The following EIF2AK1 variants were observed in gnomAD, a reference collection of about 807,000 sequenced individuals.
EIF2AK1 encodes the protein eukaryotic translation initiation factor 2 alpha kinase 1, also known as eukaryotic translation initiation factor 2-alpha kinase 1.
EIF2AK1 carries 54 observed loss-of-function variants against 77.9 expected under a neutral mutation model. That is an observed-to-expected ratio of 0.69 (90% CI 0.56 to 0.87). The LOEUF (loss-of-function observed/expected upper bound fraction) is 0.87. Ranked by LOEUF, EIF2AK1 falls within the 40% of genes least tolerant of loss-of-function variation. The pLI, the probability that EIF2AK1 is intolerant of heterozygous loss-of-function variation, is 0.00. For missense variants in EIF2AK1, 810 were observed against 768.6 expected (o/e 1.05, Z -0.64); for synonymous variants, 314 against 290.5 (o/e 1.08, Z -0.82).
chr7:6,053,525 C>G (rs1788665294), intron 2 of EIF2AK1, among the ~76,000 whole-genome samples: 1 of 151,936 alleles, frequency 6.6e-6, no homozygotes, highest in Non-Finnish European at 1.5e-5. Flanking sequence ...CCACCATGCC[C>G]AGCTAATTTT....
At position 6,024,815 on chromosome 7, in the gene EIF2AK1, AT is replaced by A; in HGVS notation, c.1765-15del. ...GGTGAGGTTAACCTGTAAGGAGAAA[AT>A]ATTTTAAACTCCATTAAAATAACTT... On this transcript the variant is annotated splice_polypyrimidine_tract_variant and intron_variant, in intron 14 of 14. Coordinates refer to ENST00000199389, the MANE Select transcript of EIF2AK1 (RefSeq NM_014413.4). The A allele has an allele frequency of 6.7e-7, 1 of 1,483,012 alleles. No homozygotes were observed. Among genetic ancestry groups the A allele is most frequent in the African/African-American group, 1.5e-5 (1 of 68,336 alleles). 91.9% of individuals were successfully genotyped at this position (1,483,012 alleles called of 1,614,324 possible).
chr7:6,047,211 T>C, intron 4 of EIF2AK1, 120 bp from the exon 5 acceptor site: 1 of 1,068,196 alleles, frequency 9.4e-7, no homozygotes, highest in South Asian at 1.3e-5. Context: ...GCTGTGCTGA[T>C]TTGGAAAGGA....
Position 6,058,995 on chromosome 7 carries a change from G to A in EIF2AK1, c.89C>T (p.Pro30Leu). Residue 30 changes from proline to leucine, a missense_variant, in exon 1 of 15, where the codon CCC becomes CTC. By Grantham distance (98) the Pro-to-Leu change is moderately conservative. Coordinates refer to ENST00000199389, the MANE Select transcript of EIF2AK1 (RefSeq NM_014413.4). ...ATATTCGGGGTCCGGGCCCTCGGCG[G>A]GAAAGTCGATGGCCGGCGGCGCAGC... is the stretch of plus-strand genomic sequence containing the variant. ...AVAAPPAIDF[P>L]AEGPDPEYDE... is the part of the protein sequence containing the mutation. The A allele has an allele frequency of 1.3e-6, 2 of 1,541,830 alleles. No individual in the cohort carries two copies. Among genetic ancestry groups the A allele is most frequent in the South Asian group, 1.2e-5 (1 of 82,688 alleles).
In EIF2AK1 at chr7:6,027,917, C is replaced by A; in HGVS notation, c.1530+698G>T. ...CTCTACAAATAATTTTTTTTATTAG[C>A]TGGGTGTGGTAGCACAACTCTTGAA... On this transcript the variant is annotated intron_variant, in intron 13 of 14. Transcript: ENST00000199389. The surrounding 1 kb of genome is among the most constrained non-coding windows in gnomAD (Gnocchi z 4.5). 1 of 451,910 alleles carries A rather than the reference C, an allele frequency of 2.2e-6. No individual in the cohort carries two copies. Among genetic ancestry groups the A allele is most frequent in the Non-Finnish European group, 4.4e-6 (1 of 225,658 alleles). The allele number at this position is 451,910 out of a possible 1,614,324, so 28.0% of individuals were successfully genotyped here. A position where few individuals can be genotyped will look rare whatever the true frequency, so the allele number is the denominator to read the frequency against.
intron 1 of EIF2AK1, 124 bp downstream of exon 1, chr7:6,058,842 G>A: frequency 1.2e-6 from 1 of 831,826 alleles, no homozygotes; most frequent in Non-Finnish European, 1.7e-6. Context: ...TGGGCCGCCG[G>A]TTCAACCCTG....
At chr7:6,046,209 G>C (rs1788441208) in intron 5 of EIF2AK1, 58 bp from the exon 6 acceptor site, 1 of 1,010,320 alleles carries the variant, frequency 9.9e-7, no homozygotes, top group Non-Finnish European at 1.4e-6. Flanking sequence ...ACTGAATAAA[G>C]AGGTTCTTTT....
chr7:6,023,851 TA>T lies in EIF2AK1; in HGVS notation c.*821del. 1 of 1,548,614 alleles carries T rather than the reference TA, an allele frequency of 6.5e-7. No individual in the cohort carries two copies. Among genetic ancestry groups the T allele is most frequent in the Non-Finnish European group, 8.7e-7 (1 of 1,146,352 alleles). Reference sequence around the variant, plus strand: ...TGTAATTTATGGTTTTCATTTTATTTAAAATTCAGCAAAATCATACGCCATC... The same window carrying T: ...TGTAATTTATGGTTTTCATTTTATTTAAATTCAGCAAAATCATACGCCATC... On this transcript the variant is annotated 3_prime_UTR_variant, in exon 15 of 15. Coordinates refer to ENST00000199389, the MANE Select transcript of EIF2AK1 (RefSeq NM_014413.4).
Position 6,049,917 on chromosome 7 carries a change from G to A in EIF2AK1, c.406C>T (p.Arg136Cys), listed in dbSNP as rs755852686. 1.3e-5 allele frequency: 21 copies of A among 1,607,940 alleles called. No individual in the cohort carries two copies. The highest frequency in any genetic ancestry group is 1.4e-5 in the Non-Finnish European group (17 of 1,178,744). The stretch of plus-strand genomic sequence containing the variant: ...GTATATTTTTTAGGGCTTACCTGAC[G>A]AACTCTCTCTTTAGCAGACCTCATT... ...HLMRSAKERV[R>C]QDPCEDISRI... is the part of the protein sequence containing the mutation. Residue 136 changes from arginine to cysteine, a missense_variant, in exon 3 of 15, where the codon CGT (arginine) becomes TGT (cysteine). Around this residue, in one of 3 missense-constraint regions of EIF2AK1, gnomAD observed 246 missense variants for 199.0 expected, o/e 1.24. Coordinates refer to ENST00000199389, the MANE Select transcript of EIF2AK1 (RefSeq NM_014413.4).
chr7:6,041,463 C>T (rs1227980021), intron 8 of EIF2AK1, among the ~76,000 whole-genome samples: 6 of 152,002 alleles, frequency 3.9e-5, no homozygotes, highest in African/African-American at 1.2e-4. Flanking sequence ...GACTCGAACC[C>T]AGGAGATGGA....
rs772691020 is a variant in EIF2AK1 at position 6,040,883 on chromosome 7, G to A, written c.1119+9C>T. On this transcript the variant is annotated intron_variant, in intron 9 of 14. Transcript: ENST00000199389. Reference sequence around the variant, plus strand: ...GGCCAAATTAGGAGGGTCTGGGAAAGTAATCTACCTCTGTCTGACCCAAAA... The same window carrying A: ...GGCCAAATTAGGAGGGTCTGGGAAAATAATCTACCTCTGTCTGACCCAAAA... 6.2e-7 allele frequency: 1 copy of A among 1,611,674 alleles called. No homozygotes were observed.
In EIF2AK1 at chr7:6,036,262, G is replaced by T. The variant is rs974737599; in HGVS notation, c.1332+1162C>A. The T allele has an allele frequency of 6.5e-7, 1 of 1,549,982 alleles. No individual in the cohort carries two copies. The highest frequency in any genetic ancestry group is 8.7e-7 in the Non-Finnish European group (1 of 1,146,896). ...TCGCAAAAACCTTTATCCCTACAGG[G>T]TATCTGCAAAAGAAACATCAGGAAT... On this transcript the variant is annotated intron_variant, in intron 11 of 14. Transcript: ENST00000199389. This position sits in a 1 kb window ranked among gnomAD's most constrained non-coding sequence, Gnocchi z 4.6.
rs184244273 is a variant in EIF2AK1 at position 6,056,208 on chromosome 7, G to T, written c.119-1504C>A. 1.1e-4 allele frequency among the ~76,000 whole-genome samples: 16 copies of T among 139,856 alleles called. 1 individual carries two copies. Among genetic ancestry groups the T allele is most frequent in the African/African-American group, 4.3e-4 (16 of 37,306 alleles). 91.8% of individuals were successfully genotyped at this position (139,856 alleles called of 152,430 possible). A position where few individuals can be genotyped will look rare whatever the true frequency, so the allele number is the denominator to read the frequency against. ...CTCAGGAGGCTGAGGCAGGAGAATTGCTTGAACCCAGGAGGTGGAGGTTGC... is the reference window on the plus strand; with the variant it reads ...CTCAGGAGGCTGAGGCAGGAGAATTTCTTGAACCCAGGAGGTGGAGGTTGC... On this transcript the variant is annotated intron_variant, in intron 1 of 14. Coordinates refer to ENST00000199389, the MANE Select transcript of EIF2AK1 (RefSeq NM_014413.4).
intron 6 of EIF2AK1, among the ~76,000 whole-genome samples, chr7:6,045,216 G>A (rs1402003964): frequency 6.6e-6 from 1 of 150,576 alleles, no homozygotes; most frequent in Non-Finnish European, 1.5e-5. Flanking sequence ...AGTCATTCCT[G>A]TGCCTCAGCC....
chr7:6,032,784 C>G lies in EIF2AK1; in HGVS notation c.1333-3752G>C. 7.1e-7 allele frequency: 1 copy of G among 1,402,494 alleles called. No homozygotes were observed. The allele number at this position is 1,402,494 out of a possible 1,614,324, so 86.9% of individuals were successfully genotyped here. On this transcript the variant is annotated intron_variant, in intron 11 of 14. Transcript: ENST00000199389. This position sits in a 1 kb window ranked among gnomAD's most constrained non-coding sequence, Gnocchi z 4.3. ...CTTTGAAACGGCAAGCTAACACAAACAGTATTTTTAACTACACAGGGCCAC... is the reference window on the plus strand; with the variant it reads ...CTTTGAAACGGCAAGCTAACACAAAGAGTATTTTTAACTACACAGGGCCAC...
rs1017992623 is a variant in EIF2AK1 at position 6,022,746 on chromosome 7, T to C, written c.*1927A>G. The stretch of plus-strand genomic sequence containing the variant: ...TCCAACCAGGCAAAGCGGGGAGTCA[T>C]GGCTATCACAGCCATCTTGCCCTCA... On this transcript the variant is annotated 3_prime_UTR_variant, in exon 15 of 15. Coordinates refer to ENST00000199389, the MANE Select transcript of EIF2AK1 (RefSeq NM_014413.4). The C allele has an allele frequency of 2.0e-5, 3 of 152,590 alleles. No individual in the cohort carries two copies. The highest frequency in any genetic ancestry group is 4.4e-5 in the Non-Finnish European group (3 of 68,334). 9.5% of individuals were successfully genotyped at this position (152,590 alleles called of 1,614,324 possible).
intron 11 of EIF2AK1, 60 bp from the exon 12 acceptor site, chr7:6,029,092 G>A (rs1787828745): frequency 2.2e-6 from 3 of 1,364,848 alleles, no homozygotes; most frequent in East Asian, 2.3e-5. Context: ...GTAATATCTT[G>A]TAAATGTTTT....
rs765484017 is a variant in EIF2AK1 at position 6,023,656 on chromosome 7, G to C, written c.*1017C>G. 1.2e-6 allele frequency: 2 copies of C among 1,613,970 alleles called. No individual in the cohort carries two copies. Among genetic ancestry groups the C allele is most frequent in the Admixed American group, 1.7e-5 (1 of 59,980 alleles). On this transcript the variant is annotated 3_prime_UTR_variant, in exon 15 of 15. Transcript: ENST00000199389. ...GTGGATGAGGTCTTGTGAAAACCTG[G>C]CTCCTTTTAACACGGCCCTCAAGCT...
chr7:6,051,675 A>T (rs1030861645), intron 2 of EIF2AK1, among the ~76,000 whole-genome samples: 1 of 151,520 alleles, frequency 6.6e-6, no homozygotes, highest in Non-Finnish European at 1.5e-5. Context: ...TGACCCGCCC[A>T]CCTCAGCCTC....
chr7:6,058,677 C>T (rs1257317421), intron 1 of EIF2AK1, among the ~76,000 whole-genome samples: 2 of 152,242 alleles, frequency 1.3e-5, no homozygotes, highest in Non-Finnish European at 2.9e-5. Flanking sequence ...AGACGGTGGC[C>T]TCGGGGATGT....
Sources: gnomAD v4.1 joint callset for allele counts (sites outside exome capture counted in the v4.1 genomes callset) on GRCh38, gnomAD v4.1.1 for gene constraint, gnomAD v4.1.1 regional missense constraint, Gnocchi (gnomAD v3.1) non-coding constraint, MANE v1.5 for transcripts, NCBI Gene and HGNC (gene_info 2026-07-23, HGNC 2026-07-21) for gene names.